RBFOX1: variants seen among roughly 807,000 people sequenced by gnomAD.
RBFOX1 encodes the protein RNA binding protein fox-1 homolog 1.
RBFOX1 carries 8 observed loss-of-function variants against 57.7 expected under a neutral mutation model. The ratio of observed to expected loss-of-function variants is 0.14; its 90% confidence interval spans 0.08 to 0.25. The LOEUF is 0.25. RBFOX1 is among the 10% of genes least tolerant of loss of function. The pLI is 1.00. For missense variants in RBFOX1, 611 were observed against 548.5 expected (o/e 1.11, Z -1.14); for synonymous variants, 326 against 222.4 (o/e 1.47, Z -4.15).
At chr16:7,381,101 C>G (rs958977016) in intron 4 of RBFOX1, among the ~76,000 whole-genome samples, 3 of 152,160 alleles carry the variant, frequency 2.0e-5, no homozygotes, top group African/African-American at 7.2e-5. Flanking sequence ...GTCAAACAAA[C>G]CCAGTGTTCT....
chr16:6,114,818 G>A (rs1567489645), intron 1 of RBFOX1, among the ~76,000 whole-genome samples: 1 of 152,144 alleles, frequency 6.6e-6, no homozygotes, highest in Non-Finnish European at 1.5e-5. Flanking sequence ...GCAAGCAGAT[G>A]GTGTTAGACA....
At chr16:6,939,097 A>G (rs948964847) in intron 3 of RBFOX1, among the ~76,000 whole-genome samples, 2 of 152,292 alleles carry the variant, frequency 1.3e-5, no homozygotes, top group Middle Eastern at 3.4e-3. Flanking sequence ...TTACTCTTGA[A>G]GAAACAGTGG....
At chr16:6,378,664 C>T (rs991091370) in intron 2 of RBFOX1, among the ~76,000 whole-genome samples, 1 of 152,188 alleles carries the variant, frequency 6.6e-6, no homozygotes, top group Admixed American at 6.5e-5. Context: ...CATCCCAGAG[C>T]TCATCTCAAA....
chr16:6,018,978 G>A (rs1416730218), upstream of RBFOX1: 3 of 635,694 alleles, frequency 4.7e-6, no homozygotes, highest in East Asian at 1.4e-4. Flanking sequence ...CGCGGCGGCG[G>A]CGGCGCTGGC....
At chr16:5,476,253 T>A (rs537392534) in intron 2 of RBFOX1, among the ~76,000 whole-genome samples, 4 of 152,324 alleles carry the variant, frequency 2.6e-5, no homozygotes, top group South Asian at 4.1e-4. Flanking sequence ...TCATGTCATA[T>A]ACCATGAATA....
intron 2 of RBFOX1, among the ~76,000 whole-genome samples, chr16:5,479,141 G>A (rs543796511): frequency 1.1e-4 from 16 of 152,222 alleles, no homozygotes; most frequent in South Asian, 2.1e-4. Context: ...TTTAAATGTC[G>A]CCTTTGCAGA....
At chr16:6,302,803 A>G (rs1454970225) in intron 1 of RBFOX1, among the ~76,000 whole-genome samples, 4 of 152,230 alleles carry the variant, frequency 2.6e-5, no homozygotes, top group Non-Finnish European at 5.9e-5. Context: ...CATGAGACTA[A>G]ACTTATGCCC....
At chr16:7,006,389 G>C (rs2093300023) in intron 3 of RBFOX1, among the ~76,000 whole-genome samples, 1 of 152,078 alleles carries the variant, frequency 6.6e-6, no homozygotes, top group African/African-American at 2.4e-5. Context: ...TTCTGACCTT[G>C]TGATCCACCC....
intron 1 of RBFOX1, among the ~76,000 whole-genome samples, chr16:6,082,253 T>A (rs1185413619): frequency 1.4e-5 from 2 of 142,356 alleles, no homozygotes; most frequent in Non-Finnish European, 3.0e-5. Flanking sequence ...CAATCTCGGC[T>A]CATTGCAACC....
At chr16:6,335,505 C>T (rs1460303526) in intron 2 of RBFOX1, among the ~76,000 whole-genome samples, 3 of 152,026 alleles carry the variant, frequency 2.0e-5, no homozygotes, top group African/African-American at 4.8e-5. Context: ...TCAGGCCGGG[C>T]GCGGTGGTTC....
At chr16:7,004,798 G>A (rs934145511) in intron 3 of RBFOX1, among the ~76,000 whole-genome samples, 3 of 152,160 alleles carry the variant, frequency 2.0e-5, no homozygotes, top group Non-Finnish European at 2.9e-5. Flanking sequence ...TAATCCACGT[G>A]TCTCTATAAG....
At chr16:6,844,973 G>T (rs1264775451) in intron 3 of RBFOX1, among the ~76,000 whole-genome samples, 2 of 152,136 alleles carry the variant, frequency 1.3e-5, no homozygotes, top group African/African-American at 4.8e-5. Flanking sequence ...TTGGCCGCAT[G>T]TATGTCTTCT....
At chr16:6,375,116 A>G (rs1054966834) in intron 2 of RBFOX1, among the ~76,000 whole-genome samples, 15 of 152,142 alleles carry the variant, frequency 9.9e-5, no homozygotes, top group African/African-American at 3.6e-4. Flanking sequence ...GGAGTATCAG[A>G]AATCATTTCC....
intron 14 of RBFOX1, 39 bp downstream of exon 14, chr16:7,676,877 A>G (rs921455045): frequency 1.9e-5 from 29 of 1,556,084 alleles, no homozygotes; most frequent in Non-Finnish European, 2.5e-5. Flanking sequence ...ACTACTTGTA[A>G]ATTAACTTAG....
chr16:6,853,347 T>A (rs1270616031), intron 3 of RBFOX1, among the ~76,000 whole-genome samples: 1 of 152,158 alleles, frequency 6.6e-6, no homozygotes. Context: ...CATACCTCTG[T>A]GCATTGTAGC....
chr16:7,335,986 T>A (rs1296860458), intron 4 of RBFOX1, among the ~76,000 whole-genome samples: 1 of 152,222 alleles, frequency 6.6e-6, no homozygotes, highest in Non-Finnish European at 1.5e-5. Flanking sequence ...TATTCCCAAG[T>A]GCATTGTACA....
intron 3 of RBFOX1, among the ~76,000 whole-genome samples, chr16:6,791,834 G>GGT (rs1246087292): frequency 1.3e-5 from 2 of 152,138 alleles, no homozygotes; most frequent in African/African-American, 4.8e-5. Flanking sequence ...CCTCCAGGAA[G>GGT]GTGGTACTGG....
chr16:5,806,277 C>G (rs1323714299), intron 3 of RBFOX1, among the ~76,000 whole-genome samples: 1 of 152,198 alleles, frequency 6.6e-6, no homozygotes, highest in Non-Finnish European at 1.5e-5. Flanking sequence ...TCTCACAGTT[C>G]TGGAGGCTGG....
rs966747988 is a variant in RBFOX1, at chr16:7,551,670, G to T, written c.271-28107G>T. ...GGAGCAGGTAGGAGTTACTCTAGCT[G>T]GTTCAGTGGCATGCAGGAAGCTGCT... On this transcript the variant is annotated intron_variant, in intron 5 of 15. Transcript: ENST00000550418. Among the ~76,000 whole-genome samples, 4 of 152,292 alleles carry T rather than the reference G, an allele frequency of 2.6e-5. No individual in the cohort carries two copies. The East Asian group carries it at 5.8e-4, about 22-fold the overall frequency.
Sources: allele counts gnomAD v4.1 joint callset (sites outside exome capture counted in the v4.1 genomes callset), GRCh38; gene constraint gnomAD v4.1.1; transcripts MANE v1.5; gene names NCBI Gene and HGNC (gene_info 2026-07-23, HGNC 2026-07-21).